Variants in AK8 observed in about 807,000 individuals in gnomAD.
AK8 encodes the protein ATP-AMP transphosphorylase 8.
AK8 carries 44 observed loss-of-function variants against 54.6 expected under a neutral mutation model. The observed-to-expected ratio is 0.81, with a 90% CI of 0.63 to 1.04. The LOEUF (loss-of-function observed/expected upper bound fraction) is 1.04, where lower values mean the gene tolerates loss of function less well. AK8 is among the 50% of genes least tolerant of loss of function. AK8 has a pLI of 0.00. For synonymous variants in AK8, 239 were observed against 245.6 expected, an observed-to-expected ratio of 0.97 and a Z score of 0.25; for missense variants, 555 against 613.6, an observed-to-expected ratio of 0.90 and a Z score of 1.01.
chr9:132,840,784 T>C (rs893431413), intron 5 of AK8, among the ~76,000 whole-genome samples: 3 of 151,942 alleles, frequency 2.0e-5, no homozygotes, highest in Non-Finnish European at 4.4e-5. Flanking sequence ...TCCCAGCTAC[T>C]TGGGAGGCTG....
chr9:132,756,250 T>C (rs78675533), intron 11 of AK8, among the ~76,000 whole-genome samples: 1,557 of 152,188 alleles, frequency 0.01, 21 homozygotes, highest in African/African-American at 0.036. Context: ...AGAAAAGAAT[T>C]CTCCTCCCAA....
chr9:132,739,388 G>A (rs1002405109), intron 11 of AK8, among the ~76,000 whole-genome samples: 25 of 129,846 alleles, frequency 1.9e-4, no homozygotes, highest in African/African-American at 6.8e-4. Flanking sequence ...GTTGCGGTGA[G>A]CTGAGATCAT....
intron 4 of AK8, among the ~76,000 whole-genome samples, chr9:132,857,622 C>T (rs1266478952): frequency 2.0e-5 from 3 of 152,208 alleles, no homozygotes; most frequent in Non-Finnish European, 4.4e-5. Flanking sequence ...GGCTGTTTTT[C>T]CCAGATTCCT....
chr9:132,827,221 T>C (rs1352858695), intron 7 of AK8, 167 bp from the exon 8 acceptor site: 5 of 660,960 alleles, frequency 7.6e-6, no homozygotes, highest in African/African-American at 7.2e-5. Context: ...TTCCAGCTAC[T>C]CTGAGCCTGC....
In AK8 at chr9:132,814,684, G is replaced by A. The variant is rs1426024195; in HGVS notation, c.933C>T (p.Thr311=). Residue 311 remains threonine, a synonymous_variant, in exon 10 of 13, where the codon ACC becomes ACT. Coordinates refer to ENST00000298545, the MANE Select transcript of AK8 (RefSeq NM_152572.3). ...QLLKEAVADR[T]TFGELIQPFF... ...AGGGCTGGATGAGCTCGCCAAACGT[G>A]GTCCTATCTGCCACAGCCTCTTTCA... The A allele has an allele frequency of 1.2e-6, 2 of 1,613,956 alleles. No homozygotes were observed. The highest frequency in any genetic ancestry group is 1.7e-6 in the Non-Finnish European group (2 of 1,180,040).
At chr9:132,834,707 G>A (rs571954816) in intron 5 of AK8, among the ~76,000 whole-genome samples, 1 of 152,284 alleles carries the variant, frequency 6.6e-6, no homozygotes, top group South Asian at 2.1e-4. Flanking sequence ...TTTCTAAACA[G>A]AGTTGAATTC....
At position 132,727,462 on chromosome 9, in the gene AK8, A is replaced by C; in HGVS notation, c.1194T>G (p.Thr398=). 1 of 1,614,054 alleles carries C rather than the reference A, an allele frequency of 6.2e-7. No individual in the cohort carries two copies. The highest frequency in any genetic ancestry group is 8.5e-7 in the Non-Finnish European group (1 of 1,179,966). The stretch of plus-strand genomic sequence containing the variant: ...AGGAACACAGCACAAACCTTTCCCC[A>C]GTGACTGGATCAATTCTTCTCAGAG... ...RLTLRRIDPV[T]GERYHLMYKP... Residue 398 remains threonine, a synonymous_variant, in exon 12 of 13, where the codon ACT becomes ACG. Coordinates refer to ENST00000298545, the MANE Select transcript of AK8 (RefSeq NM_152572.3).
intron 9 of AK8, among the ~76,000 whole-genome samples, chr9:132,820,018 G>A (rs1378474445): frequency 6.6e-6 from 1 of 151,856 alleles, no homozygotes; most frequent in African/African-American, 2.4e-5. Flanking sequence ...AGCTGAGCAT[G>A]GTGGCATACA....
chr9:132,876,703 T>A (rs967829066), intron 1 of AK8, among the ~76,000 whole-genome samples: 1 of 152,118 alleles, frequency 6.6e-6, no homozygotes, highest in South Asian at 2.1e-4. Flanking sequence ...TAACTTCCTG[T>A]GAATCTAACA....
intron 3 of AK8, among the ~76,000 whole-genome samples, chr9:132,865,956 G>T (rs147371182): frequency 0.018 from 2,813 of 152,250 alleles, 101 homozygotes; most frequent in African/African-American, 0.064. Flanking sequence ...CCAGCTCTTT[G>T]GGAGGCTGAG....
chr9:132,854,250 AGAAAAGTAAT>A (rs1233018911), intron 5 of AK8, among the ~76,000 whole-genome samples: 1 of 152,220 alleles, frequency 6.6e-6, no homozygotes, highest in East Asian at 1.9e-4. Flanking sequence ...AAATAAAAAG[AGAAAAGTAAT>A]GACATGACCC....
Position 132,799,364 on chromosome 9 carries a change from A to G in AK8, c.980-6589T>C, listed in dbSNP as rs142908444. Among the ~76,000 whole-genome samples, 150 of 152,266 alleles carry G rather than the reference A, an allele frequency of 9.9e-4. No homozygotes were observed. Among genetic ancestry groups the G allele is most frequent in the African/African-American group, 3.4e-3 (143 of 41,530 alleles). ...AAAGATAAAAAACATGCTAAGGTTG[A>G]TTGCTAGACTCACGACAAGCCATGT... On this transcript the variant is annotated intron_variant, in intron 10 of 12. Coordinates refer to ENST00000298545, the MANE Select transcript of AK8 (RefSeq NM_152572.3). The surrounding 1 kb of genome is among the most constrained non-coding windows in gnomAD (Gnocchi z 5.0).
chr9:132,738,282 T>TG (rs1837211796), intron 11 of AK8, among the ~76,000 whole-genome samples: 1 of 152,090 alleles, frequency 6.6e-6, no homozygotes, highest in African/African-American at 2.4e-5. Flanking sequence ...CTCGATTTCC[T>TG]GACCTCGTGA....
chr9:132,823,142 A>G, intron 9 of AK8, 63 bp downstream of exon 9: 1 of 1,477,394 alleles, frequency 6.8e-7, no homozygotes, highest in Non-Finnish European at 9.0e-7. Flanking sequence ...AGAGCTGGGG[A>G]GGAGGGGCAG....
intron 5 of AK8, among the ~76,000 whole-genome samples, chr9:132,852,631 A>C (rs941708909): frequency 6.7e-6 from 1 of 150,222 alleles, no homozygotes; most frequent in Non-Finnish European, 1.5e-5. Context: ...AAAATTAGGC[A>C]CGGTGGTGTA....
intron 11 of AK8, among the ~76,000 whole-genome samples, chr9:132,745,357 G>A (rs535423319): frequency 3.9e-5 from 6 of 152,230 alleles, no homozygotes; most frequent in African/African-American, 1.4e-4. Context: ...CTAATTGCTC[G>A]ACTTTACGGG....
At chr9:132,743,469 A>G (rs892975811) in intron 11 of AK8, among the ~76,000 whole-genome samples, 8 of 152,232 alleles carry the variant, frequency 5.3e-5, no homozygotes, top group Non-Finnish European at 1.0e-4. Flanking sequence ...AAGTTACATA[A>G]GCACATTCCA....
At chr9:132,808,977 A>G (rs1014818908) in intron 10 of AK8, among the ~76,000 whole-genome samples, 8 of 152,188 alleles carry the variant, frequency 5.3e-5, no homozygotes, top group Admixed American at 6.5e-5. Context: ...GCTAGATGGT[A>G]GGGTGTTCTG....
chr9:132,778,738 A>G (rs17149742), intron 11 of AK8, among the ~76,000 whole-genome samples: 9,273 of 152,240 alleles, frequency 0.061, 941 homozygotes, highest in African/African-American at 0.21. Context: ...TTCATAATGT[A>G]CCACCATATT....
Sources: allele counts gnomAD v4.1 joint callset (sites outside exome capture counted in the v4.1 genomes callset), GRCh38; gene constraint gnomAD v4.1.1; non-coding constraint Gnocchi (gnomAD v3.1); transcripts MANE v1.5; gene names NCBI Gene and HGNC (gene_info 2026-07-23, HGNC 2026-07-21).